Variants in PHACTR2 observed in about 807,000 individuals in gnomAD.
PHACTR2 encodes phosphatase and actin regulator 2, also known as chromosome 6 open reading frame 56.
A neutral mutation model predicts 76.0 loss-of-function variants in PHACTR2; 30 were observed. The observed-to-expected ratio is 0.39, with a 90% CI of 0.30 to 0.54. PHACTR2 has a LOEUF of 0.54. Ranked by LOEUF, PHACTR2 falls within the 20% of genes least tolerant of loss-of-function variation. The pLI is 0.61. For synonymous variants in PHACTR2, 292 were observed against 292.5 expected, an observed-to-expected ratio of 1.00 and a Z score of 0.02; for missense variants, 696 against 781.1, an observed-to-expected ratio of 0.89 and a Z score of 1.30.
At position 143,698,737 on chromosome 6, in the gene PHACTR2, C is replaced by A. The variant is rs6932482; in HGVS notation, c.47-13279C>A. Among the ~76,000 whole-genome samples, 1 of 152,088 alleles carries A rather than the reference C, an allele frequency of 6.6e-6. No homozygotes were observed. The highest frequency in any genetic ancestry group is 1.9e-4 in the East Asian group (1 of 5,190). On this transcript the variant is annotated intron_variant, in intron 1 of 12. Coordinates refer to ENST00000440869, the MANE Select transcript of PHACTR2 (RefSeq NM_001100164.2). The surrounding 1 kb of genome is among the most constrained non-coding windows in gnomAD (Gnocchi z 4.3). ...GTCAGCCTCTCTCATGGCCTGCAAG[C>A]CTCCTAAGGGCAGAGATCTGATCTG...
chr6:143,801,028 C>T lies in PHACTR2; in HGVS notation c.1846-6029C>T, dbSNP rs1775942935. 1.3e-5 allele frequency among the ~76,000 whole-genome samples: 2 copies of T among 152,190 alleles called. No individual in the cohort carries two copies. The highest frequency in any genetic ancestry group is 4.1e-4 in the South Asian group (2 of 4,830). On this transcript the variant is annotated intron_variant, in intron 11 of 12. Coordinates refer to ENST00000440869, the MANE Select transcript of PHACTR2 (RefSeq NM_001100164.2). The surrounding 1 kb of genome is among the most constrained non-coding windows in gnomAD (Gnocchi z 4.6). Reference sequence around the variant, plus strand: ...TAAGAATGTTGAATATTGACCCCCACTCTCTTCTGGCTGGTAGGGTATCTG... The same window carrying T: ...TAAGAATGTTGAATATTGACCCCCATTCTCTTCTGGCTGGTAGGGTATCTG...
At chr6:143,796,609 G>A (rs1243511891) in intron 11 of PHACTR2, among the ~76,000 whole-genome samples, 5 of 151,092 alleles carry the variant, frequency 3.3e-5, no homozygotes, top group African/African-American at 1.2e-4. Context: ...CCCTCCCTGT[G>A]TCCATGTGTT....
rs1554224826 is a variant in PHACTR2, at chr6:143,743,966, G to A, written c.215-5019G>A. ...CAAGTATCCGCAGAAAAAAGCCAGCGGCATATGCTCCAGCCTCTTTTCCTG... is the reference window on the plus strand; with the variant it reads ...CAAGTATCCGCAGAAAAAAGCCAGCAGCATATGCTCCAGCCTCTTTTCCTG... On this transcript the variant is annotated intron_variant, in intron 2 of 12. Transcript: ENST00000440869. This position sits in a 1 kb window ranked among gnomAD's most constrained non-coding sequence, Gnocchi z 5.0. 1.3e-5 allele frequency among the ~76,000 whole-genome samples: 2 copies of A among 152,134 alleles called. No individual in the cohort carries two copies. The highest frequency in any genetic ancestry group is 2.4e-5 in the African/African-American group (1 of 41,422).
chr6:143,802,263 A>G (rs1775974691), intron 11 of PHACTR2, among the ~76,000 whole-genome samples: 1 of 151,958 alleles, frequency 6.6e-6, no homozygotes, highest in Admixed American at 6.6e-5. Flanking sequence ...ATGGCTTCCC[A>G]TTGGTTGTAC....
intron 1 of PHACTR2, among the ~76,000 whole-genome samples, chr6:143,626,365 G>A (rs1776256962): frequency 6.6e-6 from 1 of 151,870 alleles, no homozygotes; most frequent in Non-Finnish European, 1.5e-5. Flanking sequence ...GTGAAACCCC[G>A]TCTCTACTGA....
rs2128427751 is a variant in PHACTR2, at chr6:143,553,914, G to C, written c.217+16707G>C. On this transcript the variant is annotated intron_variant, in intron 1 of 11. Coordinates refer to the PHACTR2 transcript ENST00000367584. The surrounding 1 kb of genome is among the most constrained non-coding windows in gnomAD (Gnocchi z 4.2). ...GTGGCATTTGAAGAAAGGCCTGAGAGAAGTTAAGGGGTGATCCTTCCAGGC... is the reference window on the plus strand; with the variant it reads ...GTGGCATTTGAAGAAAGGCCTGAGACAAGTTAAGGGGTGATCCTTCCAGGC... Among the ~76,000 whole-genome samples, 1 of 152,280 alleles carries C rather than the reference G, an allele frequency of 6.6e-6. No individual in the cohort carries two copies. Among genetic ancestry groups the C allele is most frequent in the East Asian group, 1.9e-4 (1 of 5,172 alleles).
At position 143,760,698 on chromosome 6, in the gene PHACTR2, G is replaced by A; in HGVS notation, c.694+58G>A. On this transcript the variant is annotated intron_variant, in intron 5 of 12. Coordinates refer to ENST00000440869, the MANE Select transcript of PHACTR2 (RefSeq NM_001100164.2). The surrounding 1 kb of genome is among the most constrained non-coding windows in gnomAD (Gnocchi z 6.4). ...TTCTAGGGTGCTTGGCTCTGGGATG[G>A]GGCTAATTGTTTCTTCTAGGTGTGA... is the stretch of plus-strand genomic sequence containing the variant. 1 of 1,573,446 alleles carries A rather than the reference G, an allele frequency of 6.4e-7. No homozygotes were observed. The highest frequency in any genetic ancestry group is 8.6e-7 in the Non-Finnish European group (1 of 1,159,838).
In PHACTR2 at chr6:143,578,981, G is replaced by T. The variant is rs1775544469; in HGVS notation, c.217+41774G>T. ...TGCAGTGGCGTGATCACAGCTCACT[G>T]CAACCTCCGTCTCCCGGGTTCAAGC... On this transcript the variant is annotated intron_variant, in intron 1 of 11. Coordinates refer to the PHACTR2 transcript ENST00000367584. The surrounding 1 kb of genome is among the most constrained non-coding windows in gnomAD (Gnocchi z 4.5). 6.6e-6 allele frequency among the ~76,000 whole-genome samples: 1 copy of T among 152,042 alleles called. No homozygotes were observed. Among genetic ancestry groups the T allele is most frequent in the Admixed American group, 6.6e-5 (1 of 15,260 alleles).
At chr6:143,756,812 C>A (rs1039125807) in intron 4 of PHACTR2, among the ~76,000 whole-genome samples, 3 of 152,082 alleles carry the variant, frequency 2.0e-5, no homozygotes, top group African/African-American at 7.2e-5. Flanking sequence ...CTTTGAGAGG[C>A]CAAGGCGGGC....
upstream of PHACTR2, among the ~76,000 whole-genome samples, chr6:143,604,993 G>GTTTT (rs72329149): frequency 6.8e-6 from 1 of 147,670 alleles, no homozygotes. Flanking sequence ...TGCTAATAGG[G>GTTTT]TTTTTTTTTT....
intron 1 of PHACTR2, among the ~76,000 whole-genome samples, chr6:143,563,929 T>G (rs1168855767): frequency 6.6e-6 from 1 of 151,728 alleles, no homozygotes; most frequent in East Asian, 1.9e-4. Context: ...GCTGGAACCC[T>G]TGAGGTCGAG....
At chr6:143,634,053 C>T (rs971230303) in intron 1 of PHACTR2, among the ~76,000 whole-genome samples, 7 of 152,146 alleles carry the variant, frequency 4.6e-5, no homozygotes, top group Admixed American at 1.3e-4. Flanking sequence ...TACTGTACTA[C>T]GGCAGGTCTT....
rs924651241 is a variant in PHACTR2 at position 143,800,972 on chromosome 6, T to G, written c.1846-6085T>G. Among the ~76,000 whole-genome samples the G allele has an allele frequency of 6.6e-6, 1 of 152,208 alleles. No homozygotes were observed. The highest frequency in any genetic ancestry group is 2.1e-4 in the South Asian group (1 of 4,830). On this transcript the variant is annotated intron_variant, in intron 11 of 12. Transcript: ENST00000440869. The surrounding 1 kb of genome is among the most constrained non-coding windows in gnomAD (Gnocchi z 4.8). The stretch of plus-strand genomic sequence containing the variant: ...ACTTATGAAGCTTAGTTCAGCTGGA[T>G]ATGAAATTTTGGGTTGAAAATTCTT...
rs13199393 is a variant in PHACTR2 at position 143,616,918 on chromosome 6, G to C, written c.13+8596G>C. 0.27 allele frequency among the ~76,000 whole-genome samples: 41,569 copies of C among 151,946 alleles called. 5,772 individuals are homozygous for C. The highest frequency in any genetic ancestry group is 0.36 in the Middle Eastern group (105 of 292). On this transcript the variant is annotated intron_variant, in intron 1 of 11. Coordinates refer to the PHACTR2 transcript ENST00000305766. The surrounding 1 kb of genome is among the most constrained non-coding windows in gnomAD (Gnocchi z 4.9). ...AAACACACACGCCCCCAGACAGGACGTTGACTGGGATGTCTGAGCAACAAG... is the reference window on the plus strand; with the variant it reads ...AAACACACACGCCCCCAGACAGGACCTTGACTGGGATGTCTGAGCAACAAG...
intron 11 of PHACTR2, among the ~76,000 whole-genome samples, chr6:143,798,477 G>T (rs6930307): frequency 6.6e-6 from 1 of 152,066 alleles, no homozygotes; most frequent in East Asian, 1.9e-4. Context: ...GTCTTGTGCC[G>T]GTTTTCAAAG....
In PHACTR2 at chr6:143,767,984, C is replaced by T. The variant is rs1779596131; in HGVS notation, c.1232+2186C>T. ...TCCCCAGTAACTGGAACTACGGGTG[C>T]CTGCCACCACGCCTGGCTAATTTTT... is the stretch of plus-strand genomic sequence containing the variant. On this transcript the variant is annotated intron_variant, in intron 6 of 12. Coordinates refer to ENST00000440869, the MANE Select transcript of PHACTR2 (RefSeq NM_001100164.2). This position sits in a 1 kb window ranked among gnomAD's most constrained non-coding sequence, Gnocchi z 4.4. 6.6e-6 allele frequency among the ~76,000 whole-genome samples: 1 copy of T among 152,126 alleles called. No individual in the cohort carries two copies. Among genetic ancestry groups the T allele is most frequent in the African/African-American group, 2.4e-5 (1 of 41,514 alleles).
chr6:143,807,152 C>G lies in PHACTR2; in HGVS notation c.1922+19C>G. 8 of 1,480,850 alleles carry G rather than the reference C, an allele frequency of 5.4e-6. No homozygotes were observed. Among genetic ancestry groups the G allele is most frequent in the Non-Finnish European group, 7.5e-6 (8 of 1,068,666 alleles). 91.7% of individuals were successfully genotyped at this position (1,480,850 alleles called of 1,614,324 possible). A position where few individuals can be genotyped will look rare whatever the true frequency, so the allele number is the denominator to read the frequency against. ...TTACAAGGTAGGTGACAAAATGCAG[C>G]TTAGAAATTGAAAATGCTTAAGATG... On this transcript the variant is annotated intron_variant, in intron 12 of 12. Transcript: ENST00000440869. This position sits in a 1 kb window ranked among gnomAD's most constrained non-coding sequence, Gnocchi z 5.5.
intron 11 of PHACTR2, among the ~76,000 whole-genome samples, chr6:143,796,790 T>A (rs1775837726): frequency 6.6e-6 from 1 of 152,224 alleles, no homozygotes; most frequent in Non-Finnish European, 1.5e-5. Context: ...TGTGCCACAT[T>A]TTCTTAATCC....
At chr6:143,555,985 C>A (rs1775167952) in intron 1 of PHACTR2, among the ~76,000 whole-genome samples, 1 of 145,812 alleles carries the variant, frequency 6.9e-6, no homozygotes, top group Non-Finnish European at 1.5e-5. Flanking sequence ...TGCTATTTCA[C>A]AATTAATTTT....
Sources: allele counts gnomAD v4.1 joint callset (sites outside exome capture counted in the v4.1 genomes callset), GRCh38; gene constraint gnomAD v4.1.1; non-coding constraint Gnocchi (gnomAD v3.1); transcripts MANE v1.5; gene names NCBI Gene and HGNC (gene_info 2026-07-23, HGNC 2026-07-21).